The following DISC1 variants were observed in gnomAD, a reference collection of about 807,000 sequenced individuals.
DISC1 encodes DISC1 scaffold protein.
Under a neutral mutation model 84.5 loss-of-function variants are expected in DISC1, and 57 were observed. The ratio of observed to expected loss-of-function variants is 0.67; its 90% confidence interval spans 0.55 to 0.84. The LOEUF (loss-of-function observed/expected upper bound fraction) is 0.84, where lower values mean the gene tolerates loss of function less well. DISC1 is among the 40% of genes least tolerant of loss of function. The pLI is 0.00. For missense variants in DISC1, 1,000 were observed against 1,057.8 expected, an observed-to-expected ratio of 0.95 and a Z score of 0.76; for synonymous variants, 411 against 415.2, an observed-to-expected ratio of 0.99 and a Z score of 0.12.
chr1:231,960,344 C>T (rs1660215562), intron 10 of DISC1, among the ~76,000 whole-genome samples: 1 of 152,130 alleles, frequency 6.6e-6, no homozygotes, highest in African/African-American at 2.4e-5. Context: ...ACCTCTGCCT[C>T]CCAGGTACTA....
intron 1 of DISC1, among the ~76,000 whole-genome samples, chr1:231,634,758 G>A (rs2059046698): frequency 6.6e-6 from 1 of 152,100 alleles, no homozygotes; most frequent in South Asian, 2.1e-4. Flanking sequence ...ACTTAAAAAT[G>A]TAGAGTGCCA....
chr1:231,763,573 A>G (rs1225128037), intron 4 of DISC1, among the ~76,000 whole-genome samples: 1 of 152,264 alleles, frequency 6.6e-6, no homozygotes, highest in Non-Finnish European at 1.5e-5. Context: ...TTTCTAACTT[A>G]CAAAAACTGA....
intron 11 of DISC1, among the ~76,000 whole-genome samples, chr1:232,016,875 G>C (rs984521952): frequency 2.0e-5 from 3 of 151,976 alleles, no homozygotes; most frequent in Admixed American, 6.6e-5. Flanking sequence ...GGGAGTAACC[G>C]TATAATTTGA....
chr1:231,946,790 C>T (rs921127517), intron 9 of DISC1, among the ~76,000 whole-genome samples: 14 of 152,166 alleles, frequency 9.2e-5, no homozygotes, highest in Non-Finnish European at 2.1e-4. Context: ...GCAAAAATCA[C>T]AAGCATTCCC....
At chr1:232,019,785 C>T (rs187004887) in intron 11 of DISC1, among the ~76,000 whole-genome samples, 2,310 of 152,250 alleles carry the variant, frequency 0.015, 63 homozygotes, top group African/African-American at 0.052. Flanking sequence ...CTTTTCTCTG[C>T]TTCCAGCCTG....
chr1:231,936,034 T>C (rs1327596148), intron 9 of DISC1, among the ~76,000 whole-genome samples: 1 of 152,130 alleles, frequency 6.6e-6, no homozygotes, highest in East Asian at 1.9e-4. Context: ...CAGCTGCCCC[T>C]TTGAAAGAGA....
intron 10 of DISC1, among the ~76,000 whole-genome samples, chr1:232,005,861 G>T (rs540963820): frequency 6.6e-6 from 1 of 152,144 alleles, no homozygotes; most frequent in Admixed American, 6.5e-5. Flanking sequence ...TGGAAGATAG[G>T]TCTGTAGAAA....
chr1:231,666,017 T>C (rs866377232), intron 1 of DISC1, among the ~76,000 whole-genome samples: 24 of 152,172 alleles, frequency 1.6e-4, no homozygotes, highest in African/African-American at 5.6e-4. Context: ...GGCTCTTTTC[T>C]CTTAAAAGGT....
intron 1 of DISC1, among the ~76,000 whole-genome samples, chr1:231,677,917 C>A (rs2063316793): frequency 6.6e-6 from 1 of 151,908 alleles, no homozygotes; most frequent in African/African-American, 2.4e-5. Context: ...GTGGTGGTTG[C>A]AGTGAGCCAA....
intron 10 of DISC1, among the ~76,000 whole-genome samples, chr1:231,981,845 G>A (rs1449835370): frequency 1.3e-5 from 2 of 152,170 alleles, no homozygotes; most frequent in Non-Finnish European, 2.9e-5. Flanking sequence ...TTTGACGGTC[G>A]GTGAAGGTTG....
At chr1:231,659,471 GTCT>G (rs1427989970) in intron 1 of DISC1, among the ~76,000 whole-genome samples, 2 of 151,622 alleles carry the variant, frequency 1.3e-5, no homozygotes, top group East Asian at 3.9e-4. Flanking sequence ...TTGTGTCTCT[GTCT>G]TCTTCACTTA....
intron 6 of DISC1, among the ~76,000 whole-genome samples, chr1:231,774,028 C>G (rs1453436584): frequency 6.6e-6 from 1 of 151,792 alleles, no homozygotes; most frequent in Non-Finnish European, 1.5e-5. Context: ...TTTGGGAGGC[C>G]AAGGCGGGAA....
intron 9 of DISC1, among the ~76,000 whole-genome samples, chr1:231,908,513 C>T (rs1224494899): frequency 6.6e-6 from 1 of 152,134 alleles, no homozygotes; most frequent in African/African-American, 2.4e-5. Context: ...TCTGAGGGCT[C>T]TGTTCTGTTC....
At chr1:231,929,764 A>G (rs1342586238) in intron 9 of DISC1, among the ~76,000 whole-genome samples, 1 of 152,232 alleles carries the variant, frequency 6.6e-6, no homozygotes, top group Non-Finnish European at 1.5e-5. Flanking sequence ...GAAGAAAGAA[A>G]CAAATGAAGG....
chr1:231,895,445 T>A (rs1314375582), intron 9 of DISC1, among the ~76,000 whole-genome samples: 2 of 151,902 alleles, frequency 1.3e-5, no homozygotes, highest in East Asian at 1.9e-4. Context: ...TATATATATA[T>A]GAGAGAGATA....
chr1:231,744,218 A>C (rs147668281), intron 3 of DISC1, among the ~76,000 whole-genome samples: 2 of 152,272 alleles, frequency 1.3e-5, no homozygotes, highest in East Asian at 3.9e-4. Context: ...ACTGGGGTTA[A>C]GTAGTAAGTG....
At chr1:231,866,421 T>TA (rs1423531480) in intron 9 of DISC1, 26 of 684,712 alleles carry the variant, frequency 3.8e-5, no homozygotes, top group East Asian at 2.9e-4. Context: ...TTTGATTTAT[T>TA]AAAAAAAATA....
chr1:231,819,456 A>C (rs1475646865), intron 9 of DISC1, among the ~76,000 whole-genome samples: 1 of 152,252 alleles, frequency 6.6e-6, no homozygotes, highest in Non-Finnish European at 1.5e-5. Context: ...CAATTTGTGT[A>C]GAGAGAGGTT....
At chr1:231,885,167 T>A (rs746302826) in intron 9 of DISC1, among the ~76,000 whole-genome samples, 1 of 152,220 alleles carries the variant, frequency 6.6e-6, no homozygotes, top group Non-Finnish European at 1.5e-5. Flanking sequence ...ATAAAAATGC[T>A]GCCTTAGAGA....
Sources: gnomAD v4.1 joint callset for allele counts (sites outside exome capture counted in the v4.1 genomes callset) on GRCh38, gnomAD v4.1.1 for gene constraint, MANE v1.5 for transcripts, NCBI Gene and HGNC (gene_info 2026-07-23, HGNC 2026-07-21) for gene names.